Variants in PPARG observed in about 807,000 individuals in gnomAD.
PPARG encodes the protein peroxisome proliferator activated receptor gamma.
PPARG carries 17 observed loss-of-function variants against 39.2 expected under a neutral mutation model. The observed-to-expected ratio is 0.43, with a 90% CI of 0.30 to 0.65. PPARG has a LOEUF of 0.65. Among genes scored for constraint, PPARG ranks in the 30% least tolerant of loss-of-function variants. The probability of loss-of-function intolerance (pLI) is 0.13; values close to 1 mark genes in which losing one functional copy is unlikely to be tolerated. For synonymous variants in PPARG, 223 were observed against 215.7 expected, an observed-to-expected ratio of 1.03 and a Z score of -0.30; for missense variants, 406 against 585.9, an observed-to-expected ratio of 0.69 and a Z score of 3.17.
intron 1 of PPARG, among the ~76,000 whole-genome samples, chr3:12,300,588 TC>T (rs2046901907): frequency 6.6e-6 from 1 of 152,116 alleles, no homozygotes; most frequent in South Asian, 2.1e-4. Context: ...TTTTTTTTTT[TC>T]ATTCTCAAAG....
chr3:12,331,564 T>C (rs997876221), intron 2 of PPARG, among the ~76,000 whole-genome samples: 13 of 152,246 alleles, frequency 8.5e-5, no homozygotes, highest in African/African-American at 3.1e-4. Flanking sequence ...TCATGCTGGC[T>C]GTAGTATGCA....
intron 2 of PPARG, among the ~76,000 whole-genome samples, chr3:12,360,574 C>CAAAAAAA (rs11394520): frequency 7.9e-6 from 1 of 126,814 alleles, no homozygotes; most frequent in Admixed American, 7.8e-5. Flanking sequence ...AGCACCCAGA[C>CAAAAAAA]AAAAAAAAAA....
chr3:12,322,792 TTTTGTTTG>T (rs531754367), intron 2 of PPARG, among the ~76,000 whole-genome samples: 3 of 151,984 alleles, frequency 2.0e-5, no homozygotes, highest in Non-Finnish European at 2.9e-5. Context: ...AGTTGGGTTT[TTTTGTTTG>T]TTTGTTTGTT....
intron 2 of PPARG, among the ~76,000 whole-genome samples, chr3:12,334,743 C>T (rs956153109): frequency 6.6e-6 from 1 of 152,098 alleles, no homozygotes; most frequent in African/African-American, 2.4e-5. Context: ...TTAGTCAAAG[C>T]CCCCCTGTCC....
At chr3:12,394,027 A>T (rs1356106998) in intron 5 of PPARG, among the ~76,000 whole-genome samples, 1 of 152,180 alleles carries the variant, frequency 6.6e-6, no homozygotes, top group African/African-American at 2.4e-5. Flanking sequence ...AACTGTAGTC[A>T]TGGATTGCAA....
intron 2 of PPARG, among the ~76,000 whole-genome samples, chr3:12,375,930 T>A (rs961749047): frequency 6.6e-6 from 1 of 152,062 alleles, no homozygotes; most frequent in Non-Finnish European, 1.5e-5. Context: ...AGGACCAGTC[T>A]TGTTTATATT....
intron 5 of PPARG, among the ~76,000 whole-genome samples, chr3:12,400,752 A>G (rs865953083): frequency 6.6e-6 from 1 of 152,234 alleles, no homozygotes; most frequent in Admixed American, 6.5e-5. Flanking sequence ...TTTCTTGAGT[A>G]CTATGTAGAC....
intron 2 of PPARG, among the ~76,000 whole-genome samples, chr3:12,377,613 T>C (rs1445932077): frequency 2.0e-5 from 3 of 152,216 alleles, no homozygotes; most frequent in Non-Finnish European, 2.9e-5. Context: ...TTGCCAACTT[T>C]TCTATTACAC....
At chr3:12,347,556 T>A (rs1216542393) in intron 2 of PPARG, among the ~76,000 whole-genome samples, 3 of 152,138 alleles carry the variant, frequency 2.0e-5, no homozygotes, top group South Asian at 4.1e-4. Context: ...AACCACCACT[T>A]GAAAATAAAG....
At chr3:12,361,106 G>A (rs2048833306) in intron 2 of PPARG, among the ~76,000 whole-genome samples, 1 of 152,150 alleles carries the variant, frequency 6.6e-6, no homozygotes, top group African/African-American at 2.4e-5. Context: ...ATTCTGATGG[G>A]TGTGTTGGTA....
In PPARG at chr3:12,372,091, G is replaced by A. The variant is rs114712433; in HGVS notation, c.-8-7613G>A. The A allele has an allele frequency of 1.9e-3, 1,366 of 721,608 alleles. 16 individuals carry two copies. In the African/African-American group the frequency reaches 0.02, roughly 10 times the overall value. The allele number at this position is 721,608 out of a possible 1,614,324, so 44.7% of individuals were successfully genotyped here. ...GGTCATTTCCAACAAAACTACAAAG[G>A]ACCTATGAAAGGCTTTTCAGGCACG... is the stretch of plus-strand genomic sequence containing the variant. On this transcript the variant is annotated intron_variant, in intron 2 of 7. Coordinates refer to ENST00000651735, the MANE Select transcript of PPARG (RefSeq NM_138711.6).
intron 2 of PPARG, among the ~76,000 whole-genome samples, chr3:12,328,588 G>A (rs1389968480): frequency 1.3e-5 from 2 of 152,312 alleles, no homozygotes; most frequent in Non-Finnish European, 2.9e-5. Context: ...AGGCACACCA[G>A]CCAGACCAAT....
chr3:12,335,302 G>A (rs1160493719), intron 2 of PPARG, among the ~76,000 whole-genome samples: 1 of 152,160 alleles, frequency 6.6e-6, no homozygotes, highest in Non-Finnish European at 1.5e-5. Flanking sequence ...GACTTCCAAA[G>A]TGTTCAGAAT....
chr3:12,345,140 C>A (rs1433425976), intron 2 of PPARG, among the ~76,000 whole-genome samples: 1 of 152,016 alleles, frequency 6.6e-6, no homozygotes, highest in South Asian at 2.1e-4. Context: ...GTAATGTTAT[C>A]ATTTTCTTAA....
chr3:12,334,701 C>G (rs1458521710), intron 2 of PPARG, among the ~76,000 whole-genome samples: 1 of 152,128 alleles, frequency 6.6e-6, no homozygotes, highest in African/African-American at 2.4e-5. Context: ...CTCTAAAAGA[C>G]TATACAAATA....
Position 12,323,485 on chromosome 3 carries a change from C to T in PPARG, c.-9+11032C>T, listed in dbSNP as rs538025054. 2.8e-3 allele frequency among the ~76,000 whole-genome samples: 430 copies of T among 152,316 alleles called. 2 individuals carry two copies. Among genetic ancestry groups the T allele is most frequent in the Non-Finnish European group, 4.3e-3 (291 of 68,026 alleles). On this transcript the variant is annotated intron_variant, in intron 2 of 7. Coordinates refer to ENST00000651735, the MANE Select transcript of PPARG (RefSeq NM_138711.6). ...GGGACTTTTAAGAAAAGGAAGACAA[C>T]ACTTAGTACTTCTGTGTACCCAGCC...
intron 2 of PPARG, among the ~76,000 whole-genome samples, chr3:12,322,199 T>A (rs531527622): frequency 2.1e-4 from 32 of 152,240 alleles, no homozygotes; most frequent in Non-Finnish European, 4.3e-4. Context: ...ATGAGGAATA[T>A]TCAGTTCACA....
rs1299228305 is a variant in PPARG, at chr3:12,392,691, T to C, written c.468T>C (p.Ser156=). ...CDLNCRIHKK[S]RNKCQYCRFQ... ...TTAACTGTCGGATCCACAAAAAAAG[T>C]AGAAATAAATGTCAGTACTGTCGGT... The change falls in exon 5 of 8, where the codon AGT becomes AGC. Residue 156 remains serine, a synonymous_variant. Transcript: ENST00000651735. The C allele has an allele frequency of 6.2e-7, 1 of 1,613,798 alleles. No individual in the cohort carries two copies. The highest frequency in any genetic ancestry group is 2.2e-5 in the East Asian group (1 of 44,870).
intron 7 of PPARG, 99 bp from the exon 8 acceptor site, chr3:12,433,799 A>G: frequency 6.5e-7 from 1 of 1,549,620 alleles, no homozygotes; most frequent in Non-Finnish European, 8.9e-7. Context: ...CCAAAAATAC[A>G]GATGAGTTGC....
Sources: gnomAD v4.1 joint callset for allele counts (sites outside exome capture counted in the v4.1 genomes callset) on GRCh38, gnomAD v4.1.1 for gene constraint, MANE v1.5 for transcripts, NCBI Gene and HGNC (gene_info 2026-07-23, HGNC 2026-07-21) for gene names.